SLC13A3: variants seen among roughly 807,000 people sequenced by gnomAD.
The protein encoded by SLC13A3 is Na(+)/dicarboxylate cotransporter 3.
Under a neutral mutation model 59.0 loss-of-function variants are expected in SLC13A3, and 40 were observed. That is an observed-to-expected ratio of 0.68 (90% CI 0.53 to 0.88). SLC13A3 has a LOEUF of 0.88. Among genes scored for constraint, SLC13A3 ranks in the 40% least tolerant of loss-of-function variants. The pLI, the probability that SLC13A3 is intolerant of heterozygous loss-of-function variation, is 0.00. For synonymous variants in SLC13A3, 317 were observed against 330.3 expected, an observed-to-expected ratio of 0.96 and a Z score of 0.44; for missense variants, 699 against 783.2, an observed-to-expected ratio of 0.89 and a Z score of 1.28.
chr20:46,670,281 C>T (rs2063083571), upstream of SLC13A3: 1 of 152,144 alleles, frequency 6.6e-6, no homozygotes, highest in African/African-American at 2.4e-5. Context: ...AGGAGCATAC[C>T]CTTTTTTCTT....
intron 1 of SLC13A3, among the ~76,000 whole-genome samples, chr20:46,664,521 T>C (rs1282792108): frequency 2.0e-5 from 3 of 152,204 alleles, no homozygotes. Context: ...GGCAACCATA[T>C]ACCAGGCTGT....
At chr20:46,683,488 G>A (rs760804251) in intron 1 of SLC13A3, among the ~76,000 whole-genome samples, 1 of 152,126 alleles carries the variant, frequency 6.6e-6, no homozygotes, top group Admixed American at 6.5e-5. Flanking sequence ...GGGTGGGGGT[G>A]CCGAGATTCA....
intron 3 of SLC13A3, among the ~76,000 whole-genome samples, chr20:46,605,567 G>A (rs2062430274): frequency 2.0e-5 from 3 of 152,198 alleles, no homozygotes; most frequent in Non-Finnish European, 4.4e-5. Flanking sequence ...GCCTTACAGA[G>A]CTATGCAAAG....
chr20:46,565,746 C>T (rs2146080299), intron 11 of SLC13A3, among the ~76,000 whole-genome samples: 1 of 152,318 alleles, frequency 6.6e-6, no homozygotes, highest in Middle Eastern at 3.4e-3. Flanking sequence ...GGAGGCGCCA[C>T]TTGTCTCTAG....
chr20:46,596,202 A>G lies in SLC13A3; in HGVS notation c.749T>C (p.Leu250Pro). 2 of 1,614,060 alleles carry G rather than the reference A, an allele frequency of 1.2e-6. No homozygotes were observed. The highest frequency in any genetic ancestry group is 1.7e-6 in the Non-Finnish European group (2 of 1,180,038). Residue 250 changes from leucine (L) to proline (P), a missense_variant, in exon 5 of 13, where the codon CTC becomes CCC. Physicochemically the swap from Leu to Pro is moderately conservative, Grantham distance 98. Coordinates refer to ENST00000279027, the MANE Select transcript of SLC13A3 (RefSeq NM_022829.6). Reference sequence around the variant, plus strand: ...GATGAGGTTAGGGGCTGTGCCCGTGAGTGTGGCTGTGCCCCCAATACTGGC... The same window carrying G: ...GATGAGGTTAGGGGCTGTGCCCGTGGGTGTGGCTGTGCCCCCAATACTGGC... Reference protein sequence around the residue: ...YSASIGGTATLTGTAPNLILL... With the variant: ...YSASIGGTATPTGTAPNLILL...
chr20:46,600,290 G>GGAAA lies in SLC13A3; in HGVS notation c.542-257_542-254dup, dbSNP rs777113264. 1.1e-3 allele frequency among the ~76,000 whole-genome samples: 117 copies of GGAAA among 104,176 alleles called. 1 individual carries two copies. The highest frequency in any genetic ancestry group is 4.2e-3 in the African/African-American group (85 of 20,298). 68.3% of individuals were successfully genotyped at this position (104,176 alleles called of 152,430 possible). A position where few individuals can be genotyped will look rare whatever the true frequency, so the allele number is the denominator to read the frequency against. On this transcript the variant is annotated intron_variant, in intron 3 of 12. Coordinates refer to ENST00000279027, the MANE Select transcript of SLC13A3 (RefSeq NM_022829.6). ...GGAAAGGAAAGGAAAGGAAAGGGAG[G>GGAAA]GAAAGAAAGAAAGAAAGAAAGAGGG...
chr20:46,613,413 T>C, intron 2 of SLC13A3, 47 bp downstream of exon 2: 1 of 1,499,452 alleles, frequency 6.7e-7, no homozygotes. Context: ...AGAGGTGTGG[T>C]CCCTCTGCCT....
At chr20:46,655,030 T>C (rs1479375803), upstream of SLC13A3, among the ~76,000 whole-genome samples, 1 of 152,198 alleles carries the variant, frequency 6.6e-6, no homozygotes, top group Non-Finnish European at 1.5e-5. Context: ...AAATCTGATA[T>C]CATTTGAGTT....
intron 1 of SLC13A3, among the ~76,000 whole-genome samples, chr20:46,619,962 T>C (rs1033721090): frequency 2.6e-5 from 4 of 152,222 alleles, no homozygotes; most frequent in Admixed American, 6.5e-5. Context: ...GGTGACTTAA[T>C]GTCCCTGTGA....
chr20:46,617,560 A>G (rs1462214313), intron 1 of SLC13A3, among the ~76,000 whole-genome samples: 2 of 152,004 alleles, frequency 1.3e-5, no homozygotes, highest in Non-Finnish European at 2.9e-5. Flanking sequence ...GTGTTGGTAA[A>G]TGTTGAACAA....
intron 1 of SLC13A3, among the ~76,000 whole-genome samples, chr20:46,623,427 A>G (rs1453457034): frequency 6.6e-6 from 1 of 152,118 alleles, no homozygotes; most frequent in Non-Finnish European, 1.5e-5. Flanking sequence ...ACCAAGGTCT[A>G]ACTATGTTGC....
At chr20:46,645,133 C>A (rs1330010543) in intron 1 of SLC13A3, among the ~76,000 whole-genome samples, 20 of 152,108 alleles carry the variant, frequency 1.3e-4, no homozygotes, top group Non-Finnish European at 1.5e-5. Context: ...CAGCTCACAG[C>A]CCCACATCAC....
At chr20:46,612,083 GTCTTT>G (rs1478675719) in intron 2 of SLC13A3, among the ~76,000 whole-genome samples, 1 of 115,484 alleles carries the variant, frequency 8.7e-6, no homozygotes, top group Admixed American at 8.4e-5. Flanking sequence ...TTTTCTTTCT[GTCTTT>G]TCTTTTCTTT....
In SLC13A3 at chr20:46,613,515, G is replaced by A; in HGVS notation, c.322C>T (p.Leu108=). 1 of 1,613,226 alleles carries A rather than the reference G, an allele frequency of 6.2e-7. No individual in the cohort carries two copies. The highest frequency in any genetic ancestry group is 2.2e-5 in the East Asian group (1 of 44,846). Reference sequence around the variant, plus strand: ...ATCTTGAGGGCGATTCGCCGGTGCAGGTTCCACTCCTCAATGGCGCTGGCC... The same window carrying A: ...ATCTTGAGGGCGATTCGCCGGTGCAAGTTCCACTCCTCAATGGCGCTGGCC... ...IMASAIEEWN[L]HRRIALKILM... is the part of the protein sequence containing the mutation. Residue 108 remains leucine (L), a synonymous_variant, in exon 2 of 13, where the codon CTG becomes TTG. Coordinates refer to ENST00000279027, the MANE Select transcript of SLC13A3 (RefSeq NM_022829.6).
At chr20:46,651,508 A>G, upstream of SLC13A3, 5 of 778,862 alleles carry the variant, frequency 6.4e-6, no homozygotes, top group African/African-American at 1.9e-5. Context: ...AGGGTCGGGG[A>G]GGGGACTGCG....
At chr20:46,581,360 T>C (rs1425999762) in intron 9 of SLC13A3, among the ~76,000 whole-genome samples, 1 of 152,128 alleles carries the variant, frequency 6.6e-6, no homozygotes, top group Non-Finnish European at 1.5e-5. Context: ...AGTAGCCTTG[T>C]GGAAGGAGAT....
At chr20:46,672,489 C>T (rs2122933967), upstream of SLC13A3, among the ~76,000 whole-genome samples, 2 of 152,342 alleles carry the variant, frequency 1.3e-5, no homozygotes, top group South Asian at 4.1e-4. Context: ...CAGCATCCCT[C>T]CTTCATGCGG....
intron 1 of SLC13A3, among the ~76,000 whole-genome samples, chr20:46,645,840 G>A (rs1211810016): frequency 1.3e-5 from 2 of 152,114 alleles, no homozygotes; most frequent in African/African-American, 4.8e-5. Flanking sequence ...TTCCATACAT[G>A]ATACCCACAG....
At chr20:46,588,725 G>C (rs2122665665) in intron 7 of SLC13A3, among the ~76,000 whole-genome samples, 1 of 152,268 alleles carries the variant, frequency 6.6e-6, no homozygotes, top group South Asian at 2.1e-4. Flanking sequence ...CTGGAGAGCA[G>C]GGCCCAGAGA....
Sources: allele counts gnomAD v4.1 joint callset (sites outside exome capture counted in the v4.1 genomes callset), GRCh38; gene constraint gnomAD v4.1.1; transcripts MANE v1.5; gene names NCBI Gene and HGNC (gene_info 2026-07-23, HGNC 2026-07-21).